Variants in MYCT1 observed in about 807,000 individuals in gnomAD.
MYCT1 encodes MYC target 1, also known as myc target protein 1.
MYCT1 carries 12 observed loss-of-function variants against 15.0 expected under a neutral mutation model. That is an observed-to-expected ratio of 0.80 (90% confidence interval 0.51 to 1.29). The LOEUF (loss-of-function observed/expected upper bound fraction) is 1.29. MYCT1 is among the 50% of genes most tolerant of loss of function. The pLI, the probability that MYCT1 is intolerant of heterozygous loss-of-function variation, is 0.00. For missense variants in MYCT1, 287 were observed against 279.1 expected (o/e 1.03, Z -0.20); for synonymous variants, 104 against 102.7 (o/e 1.01, Z -0.07).
At chr6:152,725,371 A>G (rs2099725475), downstream of MYCT1, among the ~76,000 whole-genome samples, 1 of 152,222 alleles carries the variant, frequency 6.6e-6, no homozygotes, top group African/African-American at 2.4e-5. Flanking sequence ...TTGTGGTAAA[A>G]TACTGCATGT....
At chr6:152,700,216 G>C (rs2099721089) in intron 1 of MYCT1, among the ~76,000 whole-genome samples, 1 of 151,818 alleles carries the variant, frequency 6.6e-6, no homozygotes, top group Non-Finnish European at 1.5e-5. Context: ...TGTCTATTTT[G>C]ACCACTGACT....
chr6:152,739,342 G>GT, the MYCT1 span, among the ~76,000 whole-genome samples: 7 of 151,154 alleles, frequency 4.6e-5, no homozygotes, highest in African/African-American at 1.7e-4. Flanking sequence ...AAATATTTTT[G>GT]TATTTTTTTT....
chr6:152,717,493 G>C (rs2099723897), intron 1 of MYCT1, among the ~76,000 whole-genome samples: 1 of 152,058 alleles, frequency 6.6e-6, no homozygotes, highest in Non-Finnish European at 1.5e-5. Context: ...TTGAATCATG[G>C]GGGCAGGAAT....
At chr6:152,715,387 CAA>C (rs1175066007) in intron 1 of MYCT1, among the ~76,000 whole-genome samples, 1 of 152,062 alleles carries the variant, frequency 6.6e-6, no homozygotes, top group Non-Finnish European at 1.5e-5. Flanking sequence ...TAATTTTGAT[CAA>C]AACTACTTTC....
chr6:152,739,879 T>G, the MYCT1 span, among the ~76,000 whole-genome samples: 8 of 152,244 alleles, frequency 5.3e-5, no homozygotes, highest in African/African-American at 1.7e-4. Context: ...TTGGTGAAAA[T>G]TGAATCCAAT....
At chr6:152,735,058 A>G in the MYCT1 span, among the ~76,000 whole-genome samples, 26 of 152,222 alleles carry the variant, frequency 1.7e-4, no homozygotes, top group Non-Finnish European at 3.4e-4. Flanking sequence ...CTAAAAAGGA[A>G]ATTTATCTCC....
downstream of MYCT1, among the ~76,000 whole-genome samples, chr6:152,728,774 C>T (rs748604438): frequency 6.6e-6 from 1 of 151,954 alleles, no homozygotes; most frequent in African/African-American, 2.4e-5. Flanking sequence ...CCCAGCTACT[C>T]GGGAGGCTGT....
At chr6:152,730,878 A>G in the MYCT1 span, among the ~76,000 whole-genome samples, 1 of 152,220 alleles carries the variant, frequency 6.6e-6, no homozygotes, top group African/African-American at 2.4e-5. Context: ...GTGTCTAAGC[A>G]TATTATCTGA....
chr6:152,732,618 A>C, the MYCT1 span, among the ~76,000 whole-genome samples: 1 of 152,246 alleles, frequency 6.6e-6, no homozygotes, highest in African/African-American at 2.4e-5. Flanking sequence ...TTTTGAAATT[A>C]GTTTTTAAAA....
intron 1 of MYCT1, among the ~76,000 whole-genome samples, chr6:152,701,539 T>C (rs2038616): frequency 0.23 from 34,603 of 152,118 alleles, 4,490 homozygotes; most frequent in South Asian, 0.36. Context: ...TTCCTCCCTC[T>C]GGGAATTTTC....
the MYCT1 span, among the ~76,000 whole-genome samples, chr6:152,731,714 T>C: frequency 0.54 from 81,274 of 151,480 alleles, 24,287 homozygotes; most frequent in Non-Finnish European, 0.66. Flanking sequence ...CCCAGTGAGG[T>C]ATAAAGCATC....
At chr6:152,705,915 G>A (rs1050082899) in intron 1 of MYCT1, 48 of 761,814 alleles carry the variant, frequency 6.3e-5, no homozygotes, top group African/African-American at 3.4e-4. Context: ...AGTTGGTTAC[G>A]ATGCTATGGT....
chr6:152,700,700 A>C (rs2099721152), intron 1 of MYCT1, among the ~76,000 whole-genome samples: 5 of 152,174 alleles, frequency 3.3e-5, no homozygotes, highest in Admixed American at 3.3e-4. Flanking sequence ...ATGGCCCGTG[A>C]AAATTTGCCA....
At chr6:152,727,659 G>A (rs1417372944), downstream of MYCT1, among the ~76,000 whole-genome samples, 1 of 152,194 alleles carries the variant, frequency 6.6e-6, no homozygotes, top group Non-Finnish European at 1.5e-5. Flanking sequence ...TTGGGGAAAG[G>A]ATAGATGCAA....
At chr6:152,730,096 C>G in the MYCT1 span, among the ~76,000 whole-genome samples, 2 of 152,162 alleles carry the variant, frequency 1.3e-5, no homozygotes, top group South Asian at 2.1e-4. Flanking sequence ...TTGTATTTTT[C>G]TTTTTCTTGG....
chr6:152,717,585 C>T (rs1161146503), intron 1 of MYCT1, among the ~76,000 whole-genome samples: 1 of 152,074 alleles, frequency 6.6e-6, no homozygotes, highest in Non-Finnish European at 1.5e-5. Context: ...TGCACAAGCT[C>T]TCTTCGTCTG....
intron 1 of MYCT1, among the ~76,000 whole-genome samples, chr6:152,700,518 T>C (rs1229317219): frequency 6.6e-6 from 1 of 152,146 alleles, no homozygotes; most frequent in Non-Finnish European, 1.5e-5. Context: ...TTCATAGCTA[T>C]CACCCACTAA....
At chr6:152,739,035 C>T in the MYCT1 span, among the ~76,000 whole-genome samples, 1 of 151,692 alleles carries the variant, frequency 6.6e-6, no homozygotes, top group East Asian at 1.9e-4. Context: ...TTATCAATGG[C>T]ATCATCCAAA....
chr6:152,702,329 T>C (rs1227623269), intron 1 of MYCT1, among the ~76,000 whole-genome samples: 1 of 152,224 alleles, frequency 6.6e-6, no homozygotes, highest in Non-Finnish European at 1.5e-5. Context: ...AGCACTCTTT[T>C]CTATTTCGAA....
Sources: gnomAD v4.1 joint callset for allele counts (sites outside exome capture counted in the v4.1 genomes callset) on GRCh38, gnomAD v4.1.1 for gene constraint, MANE v1.5 for transcripts, NCBI Gene and HGNC (gene_info 2026-07-23, HGNC 2026-07-21) for gene names.